CSMD2: variants seen among roughly 807,000 people sequenced by gnomAD.
CSMD2 encodes CUB and Sushi multiple domains 2, also known as CUB and sushi domain-containing protein 2.
A neutral mutation model predicts 398.5 loss-of-function variants in CSMD2; 130 were observed. That is an observed-to-expected ratio of 0.33 (90% CI 0.28 to 0.38). The LOEUF (loss-of-function observed/expected upper bound fraction) is 0.38. Ranked by LOEUF, CSMD2 falls within the 10% of genes least tolerant of loss-of-function variation. The pLI is 1.00. For synonymous variants in CSMD2, 1,828 were observed against 1,908.5 expected, an observed-to-expected ratio of 0.96 and a Z score of 1.10; for missense variants, 3,829 against 4,764.9, an observed-to-expected ratio of 0.80 and a Z score of 5.78.
intron 1 of CSMD2, among the ~76,000 whole-genome samples, chr1:34,099,364 G>A (rs1007440361): frequency 6.6e-6 from 1 of 152,154 alleles, no homozygotes; most frequent in African/African-American, 2.4e-5. Flanking sequence ...CATGCTAGAG[G>A]GGTACACAGA....
chr1:33,983,746 CT>C, intron 3 of CSMD2, among the ~76,000 whole-genome samples: 1 of 152,064 alleles, frequency 6.6e-6, no homozygotes, highest in Non-Finnish European at 1.5e-5. Context: ...TTTGAGGAAG[CT>C]TGTTTCTGTG....
chr1:33,850,227 G>GCACACACA (rs142730464), intron 5 of CSMD2, among the ~76,000 whole-genome samples: 2 of 149,930 alleles, frequency 1.3e-5, no homozygotes, highest in East Asian at 3.9e-4. Context: ...GAGTGTGCAC[G>GCACACACA]CACACACACA....
At chr1:34,060,100 G>A (rs534880273) in intron 2 of CSMD2, among the ~76,000 whole-genome samples, 1 of 152,154 alleles carries the variant, frequency 6.6e-6, no homozygotes, top group Non-Finnish European at 1.5e-5. Context: ...TGAGGATGAG[G>A]GCCAGGAATG....
chr1:33,535,346 A>G (rs1207831941), intron 62 of CSMD2, among the ~76,000 whole-genome samples: 1 of 152,258 alleles, frequency 6.6e-6, no homozygotes, highest in Non-Finnish European at 1.5e-5. Context: ...CTTGTTAAAA[A>G]ACAATCCTAT....
chr1:33,700,755 C>T, intron 22 of CSMD2, 82 bp from the exon 23 acceptor site: 1 of 1,390,988 alleles, frequency 7.2e-7, no homozygotes, highest in East Asian at 2.3e-5. Context: ...ACAACCCACA[C>T]TCCTGGAGTT....
At chr1:33,665,463 T>C (rs1358102196) in intron 25 of CSMD2, among the ~76,000 whole-genome samples, 64 of 137,242 alleles carry the variant, frequency 4.7e-4, no homozygotes, top group African/African-American at 1.7e-3. Context: ...CTTCTCTCTT[T>C]TTTTTTTTTT....
intron 5 of CSMD2, among the ~76,000 whole-genome samples, chr1:33,901,829 G>A (rs1252039252): frequency 1.3e-5 from 2 of 152,140 alleles, no homozygotes; most frequent in East Asian, 3.8e-4. Context: ...CCAAACTCAC[G>A]CATAAGCCAT....
At chr1:34,099,807 C>T (rs1176434167) in intron 1 of CSMD2, among the ~76,000 whole-genome samples, 1 of 152,184 alleles carries the variant, frequency 6.6e-6, no homozygotes, top group Non-Finnish European at 1.5e-5. Context: ...GAGCTGGAGC[C>T]TTGACCTGGT....
chr1:33,831,105 G>A (rs1051207307), intron 6 of CSMD2, among the ~76,000 whole-genome samples: 1 of 152,126 alleles, frequency 6.6e-6, no homozygotes, highest in Non-Finnish European at 1.5e-5. Context: ...CTATCCAGGA[G>A]AACTTCTCCA....
intron 3 of CSMD2, among the ~76,000 whole-genome samples, chr1:34,023,139 T>G (rs1649147779): frequency 6.6e-6 from 1 of 152,112 alleles, no homozygotes. Flanking sequence ...CTCGAAGGAT[T>G]TAAAGGGCTA....
At chr1:34,072,216 G>T (rs1165529753) in intron 2 of CSMD2, among the ~76,000 whole-genome samples, 2 of 152,216 alleles carry the variant, frequency 1.3e-5, no homozygotes, top group Non-Finnish European at 2.9e-5. Flanking sequence ...GTCGAGAATT[G>T]ATTTAGTTTT....
chr1:33,700,704 T>A, intron 22 of CSMD2, 31 bp from the exon 23 acceptor site: 1 of 1,613,030 alleles, frequency 6.2e-7, no homozygotes. Flanking sequence ...CAACCCAATG[T>A]CGTCAGCATG....
intron 3 of CSMD2, among the ~76,000 whole-genome samples, chr1:33,984,354 C>T (rs1459726915): frequency 3.3e-5 from 5 of 152,084 alleles, no homozygotes; most frequent in Admixed American, 2.0e-4. Flanking sequence ...CTATTTCACT[C>T]GGTGTGGGGT....
intron 13 of CSMD2, among the ~76,000 whole-genome samples, chr1:33,748,704 G>T (rs1164476559): frequency 2.0e-5 from 3 of 152,052 alleles, no homozygotes; most frequent in Non-Finnish European, 2.9e-5. Flanking sequence ...AGATATGACA[G>T]TTATAATACT....
chr1:34,089,956 T>G (rs1658364905), intron 1 of CSMD2, among the ~76,000 whole-genome samples: 1 of 152,184 alleles, frequency 6.6e-6, no homozygotes, highest in Non-Finnish European at 1.5e-5. Context: ...GTCTATACTT[T>G]CTGTCTCCAT....
intron 25 of CSMD2, among the ~76,000 whole-genome samples, chr1:33,676,538 C>T (rs969483742): frequency 2.0e-5 from 3 of 152,026 alleles, no homozygotes; most frequent in South Asian, 4.1e-4. Flanking sequence ...TACTGCCCAA[C>T]GTAATTTATA....
chr1:33,801,442 G>T (rs1034534615), intron 10 of CSMD2, among the ~76,000 whole-genome samples: 26 of 152,124 alleles, frequency 1.7e-4, no homozygotes, highest in African/African-American at 5.8e-4. Flanking sequence ...ACAAGAGGAG[G>T]CCCTGGAGGA....
At chr1:34,020,839 C>T (rs1307425659) in intron 3 of CSMD2, among the ~76,000 whole-genome samples, 1 of 152,002 alleles carries the variant, frequency 6.6e-6, no homozygotes, top group African/African-American at 2.4e-5. Flanking sequence ...CGAAGGTGCT[C>T]GACAAGTGCC....
At chr1:33,971,560 G>A (rs1570674154) in intron 3 of CSMD2, among the ~76,000 whole-genome samples, 1 of 152,244 alleles carries the variant, frequency 6.6e-6, no homozygotes, top group African/African-American at 2.4e-5. Flanking sequence ...AGCAGAGCCA[G>A]CAGCTTCCGA....
Sources: gnomAD v4.1 joint callset for allele counts (sites outside exome capture counted in the v4.1 genomes callset) on GRCh38, gnomAD v4.1.1 for gene constraint, MANE v1.5 for transcripts, NCBI Gene and HGNC (gene_info 2026-07-23, HGNC 2026-07-21) for gene names.